Variants in BRINP3 observed in about 807,000 individuals in gnomAD.
BRINP3 encodes the protein BMP/retinoic acid-inducible neural-specific protein 3.
BRINP3 carries 19 observed loss-of-function variants against 71.0 expected under a neutral mutation model. The ratio of observed to expected loss-of-function variants is 0.27; its 90% CI spans 0.19 to 0.39. BRINP3 has a LOEUF of 0.39. BRINP3 is among the 10% of genes least tolerant of loss of function. The probability of loss-of-function intolerance (pLI) is 1.00; values close to 1 mark genes in which losing one functional copy is unlikely to be tolerated. For synonymous variants in BRINP3, 380 were observed against 337.7 expected (o/e 1.13, Z -1.37); for missense variants, 959 against 940.8 (o/e 1.02, Z -0.25).
At chr1:190,394,028 T>C (rs1393401926) in intron 2 of BRINP3, among the ~76,000 whole-genome samples, 2 of 151,632 alleles carry the variant, frequency 1.3e-5, no homozygotes, top group Non-Finnish European at 3.0e-5. Flanking sequence ...TACTCAACTT[T>C]AATCCATAGA....
At chr1:190,243,675 G>A (rs900660906) in intron 4 of BRINP3, among the ~76,000 whole-genome samples, 4 of 152,062 alleles carry the variant, frequency 2.6e-5, no homozygotes, top group African/African-American at 9.7e-5. Flanking sequence ...CAGGGCTGTG[G>A]CATTTCCCTT....
At chr1:190,260,508 A>T (rs187719437) in intron 4 of BRINP3, among the ~76,000 whole-genome samples, 16 of 152,170 alleles carry the variant, frequency 1.1e-4, no homozygotes, top group Admixed American at 7.2e-4. Flanking sequence ...GTCCATATGC[A>T]TATTTTCTTG....
At chr1:190,289,045 G>A (rs933420136) in intron 2 of BRINP3, among the ~76,000 whole-genome samples, 1 of 151,636 alleles carries the variant, frequency 6.6e-6, no homozygotes, top group Non-Finnish European at 1.5e-5. Context: ...CATGGATTAT[G>A]TGAAGGTAAC....
intron 2 of BRINP3, among the ~76,000 whole-genome samples, chr1:190,419,842 G>A (rs1259044141): frequency 6.7e-6 from 1 of 148,612 alleles, no homozygotes; most frequent in Non-Finnish European, 1.5e-5. Context: ...TTAACTAGAA[G>A]AAAAAAAGAA....
At chr1:190,465,459 T>C (rs551453506) in intron 1 of BRINP3, among the ~76,000 whole-genome samples, 14 of 152,042 alleles carry the variant, frequency 9.2e-5, no homozygotes, top group African/African-American at 3.1e-4. Flanking sequence ...TCCTGCTAAG[T>C]CAGTTTTATT....
chr1:190,144,694 A>T (rs1655739404), intron 7 of BRINP3, among the ~76,000 whole-genome samples: 1 of 152,128 alleles, frequency 6.6e-6, no homozygotes, highest in Admixed American at 6.6e-5. Flanking sequence ...TTACCGATGA[A>T]CATATCTCAT....
intron 7 of BRINP3, among the ~76,000 whole-genome samples, chr1:190,100,273 C>A (rs1355179251): frequency 1.3e-5 from 2 of 152,078 alleles, no homozygotes; most frequent in African/African-American, 2.4e-5. Context: ...GGATTTCCTG[C>A]AAAATATATA....
chr1:190,214,657 C>T (rs1169760357), intron 6 of BRINP3, among the ~76,000 whole-genome samples: 1 of 151,926 alleles, frequency 6.6e-6, no homozygotes, highest in Non-Finnish European at 1.5e-5. Flanking sequence ...GTGTTTTCTC[C>T]TTCTGCCATC....
At chr1:190,437,895 G>A (rs536024373) in intron 2 of BRINP3, among the ~76,000 whole-genome samples, 17 of 151,658 alleles carry the variant, frequency 1.1e-4, no homozygotes, top group African/African-American at 3.4e-4. Context: ...AAAAGATAAC[G>A]TTCTACGGGA....
At chr1:190,146,617 G>T (rs995134281) in intron 7 of BRINP3, among the ~76,000 whole-genome samples, 2 of 152,108 alleles carry the variant, frequency 1.3e-5, no homozygotes, top group Admixed American at 1.3e-4. Flanking sequence ...GGTAAGGAAA[G>T]TATTCATTAT....
intron 3 of BRINP3, among the ~76,000 whole-genome samples, chr1:190,269,210 A>G (rs1458057824): frequency 6.6e-6 from 1 of 152,104 alleles, no homozygotes; most frequent in East Asian, 1.9e-4. Flanking sequence ...TTGGGAAAAG[A>G]TAGACTTTTT....
intron 7 of BRINP3, among the ~76,000 whole-genome samples, chr1:190,107,304 C>A (rs564424913): frequency 6.6e-6 from 1 of 152,046 alleles, no homozygotes; most frequent in South Asian, 2.1e-4. Flanking sequence ...TGTCATTACT[C>A]AATAACATAT....
intron 6 of BRINP3, among the ~76,000 whole-genome samples, chr1:190,212,543 T>C (rs1180097980): frequency 6.6e-6 from 1 of 152,146 alleles, no homozygotes; most frequent in Non-Finnish European, 1.5e-5. Flanking sequence ...CAGATTATGA[T>C]GTTTTCAGTT....
chr1:190,177,275 GC>G (rs1246954659), intron 6 of BRINP3, among the ~76,000 whole-genome samples: 1 of 140,110 alleles, frequency 7.1e-6, no homozygotes, highest in Non-Finnish European at 1.5e-5. Flanking sequence ...CCATTCTCCT[GC>G]CTCAGTCTCC....
intron 2 of BRINP3, among the ~76,000 whole-genome samples, chr1:190,336,936 A>C (rs1167581802): frequency 6.6e-6 from 1 of 151,262 alleles, no homozygotes; most frequent in Non-Finnish European, 1.5e-5. Context: ...CCCACCAAGA[A>C]TACTAATGAA....
intron 4 of BRINP3, among the ~76,000 whole-genome samples, chr1:190,261,329 C>T (rs1661166979): frequency 1.3e-5 from 2 of 151,914 alleles, no homozygotes; most frequent in South Asian, 4.1e-4. Context: ...TTTTATTGGA[C>T]TACAAATAAT....
chr1:190,193,923 C>T (rs1654261059), intron 6 of BRINP3, among the ~76,000 whole-genome samples: 1 of 152,100 alleles, frequency 6.6e-6, no homozygotes, highest in Non-Finnish European at 1.5e-5. Flanking sequence ...GGCCTAATAA[C>T]ACTAACCAAC....
At chr1:190,365,348 T>G (rs1669413072) in intron 2 of BRINP3, among the ~76,000 whole-genome samples, 1 of 152,024 alleles carries the variant, frequency 6.6e-6, no homozygotes, top group South Asian at 2.1e-4. Flanking sequence ...ATATAAGCAT[T>G]GATTTTACTA....
At chr1:190,183,927 A>G (rs1272574648) in intron 6 of BRINP3, among the ~76,000 whole-genome samples, 1 of 152,070 alleles carries the variant, frequency 6.6e-6, no homozygotes, top group Non-Finnish European at 1.5e-5. Context: ...GAGCAGGACA[A>G]TTGTTGTCTA....
Sources: allele counts gnomAD v4.1 joint callset (sites outside exome capture counted in the v4.1 genomes callset), GRCh38; gene constraint gnomAD v4.1.1; transcripts MANE v1.5; gene names NCBI Gene and HGNC (gene_info 2026-07-23, HGNC 2026-07-21).